Variants in MAMDC2 observed in about 807,000 individuals in gnomAD.
MAMDC2 encodes MAM domain-containing protein 2.
Under a neutral mutation model 89.8 loss-of-function variants are expected in MAMDC2, and 57 were observed. The ratio of observed to expected loss-of-function variants is 0.63; its 90% CI spans 0.51 to 0.79. The LOEUF (loss-of-function observed/expected upper bound fraction) is 0.79, where lower values mean the gene tolerates loss of function less well. Among genes scored for constraint, MAMDC2 ranks in the 30% least tolerant of loss-of-function variants. The pLI is 0.00. For missense variants in MAMDC2, 800 were observed against 820.6 expected (o/e 0.97, Z 0.31); for synonymous variants, 313 against 293.4 (o/e 1.07, Z -0.68).
In MAMDC2 at chr9:70,218,564, C is replaced by A; in HGVS notation, c.1879C>A (p.Leu627Met). 2 of 1,613,638 alleles carry A rather than the reference C, an allele frequency of 1.2e-6. No homozygotes were observed. Among genetic ancestry groups the A allele is most frequent in the South Asian group, 2.2e-5 (2 of 90,940 alleles). ...ACAGAGCATTTCCTGGCTACGAGCACTGATTGAATACAGCTGTGAGAGGCA... is the reference window on the plus strand; with the variant it reads ...ACAGAGCATTTCCTGGCTACGAGCAATGATTGAATACAGCTGTGAGAGGCA... Reference protein sequence around the residue: ...GEQSISWLRALIEYSCERQHQ... With the variant: ...GEQSISWLRAMIEYSCERQHQ... Residue 627 changes from leucine (L) to methionine (M), a missense_variant, in exon 12 of 14, where the codon CTG becomes ATG. Coordinates refer to ENST00000377182, the MANE Select transcript of MAMDC2 (RefSeq NM_153267.5).
Position 70,225,766 on chromosome 9 carries a change from T to C in MAMDC2, c.1928T>C (p.Ile643Thr). The change falls in exon 13 of 14, where the codon ATT becomes ACT. Residue 643 changes from isoleucine to threonine, a missense_variant. Transcript: ENST00000377182. ...TTCTTTCAGATAATTTTTGAAGCCATTCGAGGAGTATCAATAAGAAGTGAT... is the reference window on the plus strand; with the variant it reads ...TTCTTTCAGATAATTTTTGAAGCCACTCGAGGAGTATCAATAAGAAGTGAT... Reference protein sequence around the residue: ...ERQHQIIFEAIRGVSIRSDIA... With the variant: ...ERQHQIIFEATRGVSIRSDIA... 1.2e-6 allele frequency: 2 copies of C among 1,603,356 alleles called. No individual in the cohort carries two copies. Among genetic ancestry groups the C allele is most frequent in the Non-Finnish European group, 1.7e-6 (2 of 1,170,494 alleles).
intron 11 of MAMDC2, among the ~76,000 whole-genome samples, chr9:70,204,087 T>C (rs1385184778): frequency 6.6e-6 from 1 of 152,026 alleles, no homozygotes; most frequent in Admixed American, 6.5e-5. Context: ...AGCTTTGTTC[T>C]GTTGCTGGTG....
chr9:70,177,655 A>G (rs1259428902), intron 11 of MAMDC2, among the ~76,000 whole-genome samples: 3 of 152,188 alleles, frequency 2.0e-5, no homozygotes, highest in African/African-American at 4.8e-5. Context: ...AGTTTAGGGA[A>G]GTTAAGTGCC....
chr9:70,090,009 G>A (rs1827853169), intron 2 of MAMDC2, among the ~76,000 whole-genome samples: 1 of 151,832 alleles, frequency 6.6e-6, no homozygotes, highest in African/African-American at 2.4e-5. Flanking sequence ...ATGAACTAGG[G>A]GAACATGACA....
At chr9:70,163,790 C>T (rs1373954072) in intron 9 of MAMDC2, among the ~76,000 whole-genome samples, 1 of 151,106 alleles carries the variant, frequency 6.6e-6, no homozygotes, top group East Asian at 2.0e-4. Flanking sequence ...CCTGTCTCTA[C>T]AAAAAATACA....
At chr9:70,079,344 A>C (rs983660391) in intron 2 of MAMDC2, 27 of 152,218 alleles carry the variant, frequency 1.8e-4, no homozygotes, top group African/African-American at 6.3e-4. Flanking sequence ...GTTGAGACAC[A>C]GAAGCTCTCA....
intron 2 of MAMDC2, among the ~76,000 whole-genome samples, chr9:70,057,160 G>A (rs948037978): frequency 6.6e-5 from 10 of 152,052 alleles, no homozygotes; most frequent in Non-Finnish European, 1.3e-4. Context: ...CCAGTCCCTG[G>A]TGCCAAAAAG....
At chr9:70,164,942 T>C (rs1366201546) in intron 9 of MAMDC2, among the ~76,000 whole-genome samples, 2 of 148,886 alleles carry the variant, frequency 1.3e-5, no homozygotes, top group Non-Finnish European at 3.0e-5. Context: ...TTAATATAAT[T>C]AATATTTAAT....
At chr9:70,083,401 A>T (rs1217382346) in intron 2 of MAMDC2, 1 of 152,146 alleles carries the variant, frequency 6.6e-6, no homozygotes, top group Non-Finnish European at 1.5e-5. Context: ...TTAAAAAAAA[A>T]GTGTTGCTCA....
At chr9:70,129,109 A>G (rs2030685956) in intron 6 of MAMDC2, among the ~76,000 whole-genome samples, 1 of 152,194 alleles carries the variant, frequency 6.6e-6, no homozygotes, top group South Asian at 2.1e-4. Context: ...TGGGAGGTTA[A>G]CTGATTGATA....
rs1008256713 is a variant in MAMDC2, at chr9:70,044,011, A to G, written c.-187A>G. On this transcript the variant is annotated 5_prime_UTR_variant, in exon 1 of 14. Coordinates refer to ENST00000377182, the MANE Select transcript of MAMDC2 (RefSeq NM_153267.5). The stretch of plus-strand genomic sequence containing the variant: ...GCTCTCCATTCGAGCACCTTCCAGC[A>G]TACCGCTCGGCTCCGGGAGCCGCTC... 1.1e-4 allele frequency: 72 copies of G among 661,656 alleles called. No homozygotes were observed. The African/African-American group carries it at 1.2e-3, about 11-fold the overall frequency. The allele number at this position is 661,656 out of a possible 1,614,324, so 41.0% of individuals were successfully genotyped here.
At chr9:70,217,385 C>A (rs370046241) in intron 11 of MAMDC2, 5 of 1,328,548 alleles carry the variant, frequency 3.8e-6, no homozygotes, top group Non-Finnish European at 5.4e-6. Context: ...AAGGGAGAGT[C>A]GGAAGAAATT....
At chr9:70,166,607 G>A (rs531832658) in intron 9 of MAMDC2, among the ~76,000 whole-genome samples, 2 of 152,062 alleles carry the variant, frequency 1.3e-5, no homozygotes, top group South Asian at 2.1e-4. Context: ...TAATTGTGCC[G>A]TAGTTCATTT....
Position 70,109,779 on chromosome 9 carries a change from C to T in MAMDC2, c.480C>T (p.Ile160=), listed in dbSNP as rs749982882. ...CAGCCAGCATCGCACTATTTGAAAT[C>T]AAGATGACAACCGGCTACTGTATTG... ...GNTASIALFE[I]KMTTGYCIEC... The change falls in exon 4 of 14, where the codon ATC becomes ATT. Residue 160 remains isoleucine, a synonymous_variant. Transcript: ENST00000377182. 13 of 1,613,758 alleles carry T rather than the reference C, an allele frequency of 8.1e-6. 1 individual carries two copies. In the South Asian group the frequency reaches 1.4e-4, roughly 18 times the overall value.
At chr9:70,193,366 G>T (rs1438844806) in intron 11 of MAMDC2, among the ~76,000 whole-genome samples, 1 of 152,020 alleles carries the variant, frequency 6.6e-6, no homozygotes, top group Non-Finnish European at 1.5e-5. Flanking sequence ...AGGTAGATCG[G>T]ATCTTCTAGA....
intron 2 of MAMDC2, among the ~76,000 whole-genome samples, chr9:70,084,291 C>A (rs765944316): frequency 4.3e-4 from 66 of 152,010 alleles, no homozygotes; most frequent in Non-Finnish European, 8.8e-4. Flanking sequence ...GAATTGTCAC[C>A]CAGACAGCTC....
chr9:70,142,477 A>G (rs1408852467), intron 8 of MAMDC2, among the ~76,000 whole-genome samples: 4 of 152,226 alleles, frequency 2.6e-5, no homozygotes, highest in Non-Finnish European at 5.9e-5. Flanking sequence ...GAGGTTTCAA[A>G]AAGGTTTTTC....
intron 12 of MAMDC2, among the ~76,000 whole-genome samples, chr9:70,221,795 T>A (rs971515325): frequency 6.6e-6 from 1 of 151,830 alleles, no homozygotes; most frequent in Admixed American, 6.6e-5. Context: ...AAAATAATAT[T>A]AAGAAGAGGA....
At chr9:70,079,821 C>T (rs1380810264) in intron 2 of MAMDC2, among the ~76,000 whole-genome samples, 1 of 152,132 alleles carries the variant, frequency 6.6e-6, no homozygotes, top group South Asian at 2.1e-4. Flanking sequence ...ACAGGTGTGC[C>T]TTCGGCCTGT....
Sources: gnomAD v4.1 joint callset for allele counts (sites outside exome capture counted in the v4.1 genomes callset) on GRCh38, gnomAD v4.1.1 for gene constraint, MANE v1.5 for transcripts, NCBI Gene and HGNC (gene_info 2026-07-23, HGNC 2026-07-21) for gene names.